The following ZMYM2 variants were observed in gnomAD, a reference collection of about 807,000 sequenced individuals.
The protein encoded by ZMYM2 is zinc finger MYM-type containing 2, also known as zinc finger MYM-type protein 2.
ZMYM2 carries 56 observed loss-of-function variants against 162.8 expected under a neutral mutation model. That is an observed-to-expected ratio of 0.34 (90% CI 0.28 to 0.43). The LOEUF is 0.43. ZMYM2 is among the 20% of genes least tolerant of loss of function. ZMYM2 has a pLI of 1.00. For synonymous variants in ZMYM2, 510 were observed against 541.6 expected, an observed-to-expected ratio of 0.94 and a Z score of 0.81; for missense variants, 1,275 against 1,621.8, an observed-to-expected ratio of 0.79 and a Z score of 3.67.
intron 2 of ZMYM2, among the ~76,000 whole-genome samples, chr13:19,969,857 G>GA (rs1373591228): frequency 6.6e-6 from 1 of 150,738 alleles, no homozygotes; most frequent in Non-Finnish European, 1.5e-5. Flanking sequence ...AACATCTCAA[G>GA]AAAAAAATGC....
At chr13:19,975,094 A>G (rs111375247) in intron 2 of ZMYM2, among the ~76,000 whole-genome samples, 4 of 150,914 alleles carry the variant, frequency 2.7e-5, no homozygotes, top group African/African-American at 9.8e-5. Context: ...CCTTCATTTT[A>G]TTACGATATG....
At chr13:20,059,204 G>A (rs1213351528) in intron 15 of ZMYM2, among the ~76,000 whole-genome samples, 2 of 151,280 alleles carry the variant, frequency 1.3e-5, no homozygotes, top group African/African-American at 4.9e-5. Flanking sequence ...GTTTTTAAAG[G>A]ATGTTTTCTT....
the ZMYM2 span, among the ~76,000 whole-genome samples, chr13:19,923,663 C>CT: frequency 8.6e-4 from 62 of 72,062 alleles, 2 homozygotes; most frequent in African/African-American, 2.1e-3. Context: ...CCTGTAGGGA[C>CT]TTTTTTTTTT....
chr13:19,976,726 G>A (rs181815185), intron 2 of ZMYM2, among the ~76,000 whole-genome samples: 152 of 152,296 alleles, frequency 1.0e-3, no homozygotes, highest in African/African-American at 3.3e-3. Flanking sequence ...ACGTTATAGC[G>A]TGTGTCAGAA....
intron 2 of ZMYM2, among the ~76,000 whole-genome samples, chr13:19,991,773 G>A (rs996652398): frequency 1.3e-5 from 2 of 151,748 alleles, no homozygotes; most frequent in Admixed American, 6.6e-5. Context: ...GGGACTACAG[G>A]CATGTGCTAA....
the ZMYM2 span, among the ~76,000 whole-genome samples, chr13:19,918,889 T>C: frequency 6.6e-5 from 10 of 152,168 alleles, no homozygotes; most frequent in African/African-American, 2.4e-4. Context: ...CGGTACATTG[T>C]GCCTGCTTAG....
At chr13:19,971,257 T>TAC (rs1956299939) in intron 2 of ZMYM2, among the ~76,000 whole-genome samples, 2 of 107,608 alleles carry the variant, frequency 1.9e-5, no homozygotes, top group African/African-American at 6.4e-5. Flanking sequence ...TATATATATA[T>TAC]ATATATTTTT....
At chr13:20,041,416 C>T (rs1038363622) in intron 12 of ZMYM2, among the ~76,000 whole-genome samples, 4 of 152,132 alleles carry the variant, frequency 2.6e-5, no homozygotes, top group African/African-American at 9.7e-5. Context: ...GATTTTTCTC[C>T]ATCCCTTTAT....
At chr13:19,868,245 C>G in the ZMYM2 span, among the ~76,000 whole-genome samples, 3 of 152,166 alleles carry the variant, frequency 2.0e-5, no homozygotes, top group Non-Finnish European at 4.4e-5. Flanking sequence ...AAATACCTTT[C>G]AAAGGGATCA....
intron 21 of ZMYM2, chr13:20,072,052 C>A: frequency 5.9e-6 from 1 of 169,742 alleles, no homozygotes; most frequent in South Asian, 1.7e-4. Context: ...TCCGATTCAT[C>A]TTGGTCTCTT....
At chr13:19,891,137 TAA>T in the ZMYM2 span, among the ~76,000 whole-genome samples, 1 of 151,806 alleles carries the variant, frequency 6.6e-6, no homozygotes, top group South Asian at 2.1e-4. Flanking sequence ...AGGAGGTAAT[TAA>T]GGTTAAGTGA....
chr13:19,989,807 G>GC (rs1949463750), intron 2 of ZMYM2, among the ~76,000 whole-genome samples: 1 of 152,144 alleles, frequency 6.6e-6, no homozygotes, highest in African/African-American at 2.4e-5. Flanking sequence ...CTCAGCCTTT[G>GC]CTAAGCATCC....
chr13:20,003,155 A>C lies in ZMYM2; in HGVS notation c.1133+20A>C, dbSNP rs182244678. On this transcript the variant is annotated intron_variant, in intron 4 of 24. Coordinates refer to ENST00000610343, the MANE Select transcript of ZMYM2 (RefSeq NM_197968.4). The stretch of plus-strand genomic sequence containing the variant: ...TAAAAAGTAAGGTTTACCTTTCAAC[A>C]TAATTACATATAGTTGAATTTTGGA... The C allele has an allele frequency of 6.3e-7, 1 of 1,595,906 alleles. No homozygotes were observed. The highest frequency in any genetic ancestry group is 1.8e-5 in the Admixed American group (1 of 56,412).
intron 2 of ZMYM2, among the ~76,000 whole-genome samples, chr13:19,963,832 T>C (rs1398000539): frequency 6.6e-6 from 1 of 152,160 alleles, no homozygotes; most frequent in Non-Finnish European, 1.5e-5. Context: ...TTTTTTAAAC[T>C]CTTTTTAAGA....
the ZMYM2 span, among the ~76,000 whole-genome samples, chr13:19,884,645 G>T: frequency 0.11 from 16,973 of 152,030 alleles, 1,250 homozygotes; most frequent in African/African-American, 0.21. Flanking sequence ...ACTTAGTTTG[G>T]TCCTTCCGGT....
intron 2 of ZMYM2, among the ~76,000 whole-genome samples, chr13:19,965,534 A>G (rs1298332748): frequency 6.6e-6 from 1 of 152,176 alleles, no homozygotes; most frequent in Non-Finnish European, 1.5e-5. Flanking sequence ...GTGTTCTGTT[A>G]ATTATGGGCT....
Position 20,010,402 on chromosome 13 carries a change from ATGT to A in ZMYM2, c.1512+3821_1512+3823del, listed in dbSNP as rs144667648. ...TTGGAGACATAGGGTTTCATTCGCCATGTTGTTCAGGCCTGGTCTCGAACTCCT... is the reference window on the plus strand; with the variant it reads ...TTGGAGACATAGGGTTTCATTCGCCATGTTCAGGCCTGGTCTCGAACTCCT... On this transcript the variant is annotated intron_variant, in intron 6 of 24. Transcript: ENST00000610343. Among the ~76,000 whole-genome samples, 750 of 151,986 alleles carry A rather than the reference ATGT, an allele frequency of 4.9e-3. 8 individuals carry two copies. The highest frequency in any genetic ancestry group is 0.017 in the African/African-American group (703 of 41,426).
At chr13:19,979,780 T>C (rs1957144630) in intron 2 of ZMYM2, among the ~76,000 whole-genome samples, 1 of 152,224 alleles carries the variant, frequency 6.6e-6, no homozygotes, top group South Asian at 2.1e-4. Flanking sequence ...GTGGCTGGTT[T>C]GTACTATTCA....
Position 20,006,436 on chromosome 13 carries a change from T to A in ZMYM2, c.1362T>A (p.Asn454Lys). 6.2e-7 allele frequency: 1 copy of A among 1,610,084 alleles called. No homozygotes were observed. The highest frequency in any genetic ancestry group is 8.5e-7 in the Non-Finnish European group (1 of 1,177,826). The change falls in exon 6 of 25, where the codon AAT becomes AAA. Residue 454 changes from asparagine to lysine, a missense_variant. Physicochemically the swap from Asn to Lys is moderately conservative, Grantham distance 94. Coordinates refer to ENST00000610343, the MANE Select transcript of ZMYM2 (RefSeq NM_197968.4). ...THKLCSDHCF[N>K]RYRMANGLIM... ...AGCTGTGCAGTGACCACTGCTTTAA[T>A]AGATATAGAATGGCCAATGGTTTAA... is the stretch of plus-strand genomic sequence containing the variant.
Sources: gnomAD v4.1 joint callset for allele counts (sites outside exome capture counted in the v4.1 genomes callset) on GRCh38, gnomAD v4.1.1 for gene constraint, MANE v1.5 for transcripts, NCBI Gene and HGNC (gene_info 2026-07-23, HGNC 2026-07-21) for gene names.